The following LTBP1 variants were observed in gnomAD, a reference collection of about 807,000 sequenced individuals.
LTBP1 encodes the protein latent-transforming growth factor beta-binding protein 1.
LTBP1 carries 129 observed loss-of-function variants against 207.6 expected under a neutral mutation model. The observed-to-expected ratio is 0.62, with a 90% confidence interval of 0.54 to 0.72. The LOEUF is 0.72. LTBP1 is among the 30% of genes least tolerant of loss of function. LTBP1 has a pLI of 0.00. For synonymous variants in LTBP1, 963 were observed against 833.7 expected, an observed-to-expected ratio of 1.16 and a Z score of -2.67; for missense variants, 2,281 against 2,217.2, an observed-to-expected ratio of 1.03 and a Z score of -0.58.
At chr2:33,343,730 C>T (rs2094662586) in intron 25 of LTBP1, among the ~76,000 whole-genome samples, 1 of 152,190 alleles carries the variant, frequency 6.6e-6, no homozygotes, top group South Asian at 2.1e-4. Context: ...CCGGGATTGA[C>T]AGGGCTGGAA....
At chr2:33,170,792 G>A (rs1210338661) in intron 5 of LTBP1, among the ~76,000 whole-genome samples, 6 of 151,980 alleles carry the variant, frequency 3.9e-5, no homozygotes, top group South Asian at 4.2e-4. Context: ...TCACACGGCC[G>A]GGTACTCCTC....
chr2:33,315,686 A>G (rs914872554), intron 24 of LTBP1, among the ~76,000 whole-genome samples: 4 of 152,322 alleles, frequency 2.6e-5, no homozygotes, highest in Middle Eastern at 6.8e-3. Context: ...GGCTCACACC[A>G]GCACTTTTGG....
Position 33,134,377 on chromosome 2 carries a change from A to G in LTBP1, c.1034-416A>G, listed in dbSNP as rs1048351834. Reference sequence around the variant, plus strand: ...GGAAAGTATGCAAGTTGAGGACACAAGAGTTTATTCACCGCTAGGTGCACG... The same window carrying G: ...GGAAAGTATGCAAGTTGAGGACACAGGAGTTTATTCACCGCTAGGTGCACG... On this transcript the variant is annotated intron_variant, in intron 4 of 33. Coordinates refer to ENST00000404816, the MANE Select transcript of LTBP1 (RefSeq NM_206943.4). This position sits in a 1 kb window ranked among gnomAD's most constrained non-coding sequence, Gnocchi z 4.4. 16 of 480,574 alleles carry G rather than the reference A, an allele frequency of 3.3e-5. No homozygotes were observed. The highest frequency in any genetic ancestry group is 2.8e-4 in the African/African-American group (14 of 50,436). The allele number at this position is 480,574 out of a possible 1,614,324, so 29.8% of individuals were successfully genotyped here.
At position 32,948,953 on chromosome 2, in the gene LTBP1, G is replaced by A. The variant is rs1676685844; in HGVS notation, c.565+8G>A. On this transcript the variant is annotated splice_region_variant and intron_variant, in intron 2 of 33. Transcript: ENST00000404816. ...CCCAGAGGTGCACCAAACGTAAGTT[G>A]CCATGTTCACAGTGGCCCTGCACAG... The A allele has an allele frequency of 4.3e-6, 7 of 1,614,004 alleles. No individual in the cohort carries two copies. The highest frequency in any genetic ancestry group is 5.9e-6 in the Non-Finnish European group (7 of 1,179,992).
intron 19 of LTBP1, among the ~76,000 whole-genome samples, chr2:33,292,852 A>G (rs1019331096): frequency 7.9e-5 from 12 of 152,146 alleles, no homozygotes; most frequent in Non-Finnish European, 1.6e-4. Flanking sequence ...TCTTGTAGAG[A>G]TGTTGCACTA....
At chr2:33,179,368 A>G (rs115022419) in intron 5 of LTBP1, among the ~76,000 whole-genome samples, 1 of 152,142 alleles carries the variant, frequency 6.6e-6, no homozygotes, top group Admixed American at 6.5e-5. Context: ...AGTTCTTGTG[A>G]TATATAAAAT....
chr2:33,098,779 C>T (rs1325161815), intron 3 of LTBP1, among the ~76,000 whole-genome samples: 2 of 151,996 alleles, frequency 1.3e-5, no homozygotes, highest in Admixed American at 6.6e-5. Flanking sequence ...ATATTTTTTC[C>T]GAAAGTCAAA....
Position 33,187,603 on chromosome 2 carries a change from T to C in LTBP1, c.1426+523T>C, listed in dbSNP as rs116453727. 9.2e-3 allele frequency among the ~76,000 whole-genome samples: 1,407 copies of C among 152,344 alleles called. 26 individuals carry two copies. Among genetic ancestry groups the C allele is most frequent in the African/African-American group, 0.032 (1,323 of 41,582 alleles). ...TATGACGAATTCATCCTTTTAAACC[T>C]GGCATTTTTATAAATGCACACTTTT... On this transcript the variant is annotated intron_variant, in intron 6 of 33. Coordinates refer to ENST00000404816, the MANE Select transcript of LTBP1 (RefSeq NM_206943.4).
chr2:33,264,052 G>A (rs776646588), intron 15 of LTBP1, among the ~76,000 whole-genome samples: 24 of 151,546 alleles, frequency 1.6e-4, no homozygotes, highest in Non-Finnish European at 2.9e-4. Flanking sequence ...TCAGGAGATT[G>A]AGACCATCCT....
rs1215156637 is a variant in LTBP1, at chr2:33,364,368, G to A, written c.4540+12G>A. 9.3e-6 allele frequency: 15 copies of A among 1,608,320 alleles called. No homozygotes were observed. Among genetic ancestry groups the A allele is most frequent in the African/African-American group, 1.3e-5 (1 of 74,736 alleles). On this transcript the variant is annotated intron_variant, in intron 30 of 33. Coordinates refer to ENST00000404816, the MANE Select transcript of LTBP1 (RefSeq NM_206943.4). ...GGCTGAGTCAAACGGTATGTTTCCA[G>A]GAGATGCAAACCTGTGTCCAAATAA...
chr2:33,281,344 G>A (rs1168351258), intron 19 of LTBP1, among the ~76,000 whole-genome samples: 1 of 152,168 alleles, frequency 6.6e-6, no homozygotes, highest in Admixed American at 6.5e-5. Flanking sequence ...CTGGTGAGGG[G>A]GTGGGAGGGA....
At chr2:33,195,831 A>G (rs1297281960) in intron 7 of LTBP1, among the ~76,000 whole-genome samples, 1 of 152,224 alleles carries the variant, frequency 6.6e-6, no homozygotes, top group Non-Finnish European at 1.5e-5. Flanking sequence ...GTAAAGCTGC[A>G]GACTTCACTG....
intron 3 of LTBP1, among the ~76,000 whole-genome samples, chr2:33,090,565 A>G (rs1044276580): frequency 1.3e-5 from 2 of 152,136 alleles, no homozygotes; most frequent in African/African-American, 4.8e-5. Context: ...TGAGGTAGCT[A>G]CTATTATGGT....
intron 24 of LTBP1, among the ~76,000 whole-genome samples, chr2:33,341,705 C>A (rs538446173): frequency 1.0e-5 from 1 of 98,508 alleles, no homozygotes; most frequent in Non-Finnish European, 1.9e-5. Flanking sequence ...AGTGAGACTC[C>A]GTCTCACTCA....
intron 2 of LTBP1, among the ~76,000 whole-genome samples, chr2:32,967,620 G>A (rs1162058591): frequency 1.3e-5 from 2 of 151,988 alleles, no homozygotes; most frequent in African/African-American, 2.4e-5. Flanking sequence ...CAAGTATTTT[G>A]GGATTTTTCC....
chr2:33,179,212 T>C (rs939147702), intron 5 of LTBP1, among the ~76,000 whole-genome samples: 4 of 152,182 alleles, frequency 2.6e-5, no homozygotes, highest in Admixed American at 6.5e-5. Flanking sequence ...TTTTTAAAGC[T>C]CATCAGCTAT....
chr2:33,252,861 T>C lies in LTBP1; in HGVS notation c.2167+17T>C, dbSNP rs1558889231. The stretch of plus-strand genomic sequence containing the variant: ...CAGGCACAGGTAAGACATGCCCAGC[T>C]GTATGCGCACATAGATTCCCAGCCA... On this transcript the variant is annotated intron_variant, in intron 11 of 33. Coordinates refer to ENST00000404816, the MANE Select transcript of LTBP1 (RefSeq NM_206943.4). 6.3e-7 allele frequency: 1 copy of C among 1,582,364 alleles called. No individual in the cohort carries two copies. The highest frequency in any genetic ancestry group is 1.1e-5 in the South Asian group (1 of 87,332).
chr2:33,005,625 G>A (rs991267684), intron 2 of LTBP1, among the ~76,000 whole-genome samples: 1 of 136,528 alleles, frequency 7.3e-6, no homozygotes, highest in Non-Finnish European at 1.5e-5. Flanking sequence ...GAGACAGTGT[G>A]TTTCTGGCTG....
At chr2:33,104,253 C>T (rs996636005) in intron 3 of LTBP1, among the ~76,000 whole-genome samples, 8 of 152,146 alleles carry the variant, frequency 5.3e-5, no homozygotes, top group African/African-American at 1.7e-4. Context: ...CGATTGTTTC[C>T]CTGCTGCTAA....
Sources: gnomAD v4.1 joint callset for allele counts (sites outside exome capture counted in the v4.1 genomes callset) on GRCh38, gnomAD v4.1.1 for gene constraint, Gnocchi (gnomAD v3.1) non-coding constraint, MANE v1.5 for transcripts, NCBI Gene and HGNC (gene_info 2026-07-23, HGNC 2026-07-21) for gene names.